TENT5D: variants seen among roughly 807,000 people sequenced by gnomAD.
TENT5D encodes terminal nucleotidyltransferase 5D, also known as cancer/testis antigen 112.
For missense variants in TENT5D, 191 were observed against 287.0 expected, an observed-to-expected ratio of 0.67 and a Z score of 2.42; for synonymous variants, 103 against 100.6, an observed-to-expected ratio of 1.02 and a Z score of -0.15.
In TENT5D at chrX:80,408,679, A is replaced by G. The variant is rs1376699138; in HGVS notation, c.-141-29931A>G. On this transcript the variant is annotated intron_variant, in intron 3 of 4. Coordinates refer to the TENT5D transcript ENST00000538312. ...AATTCTACCAGAGGTAGAAGGAGGA[A>G]CTGGTACCATTCCTTCTGAAACTAT... Among the ~76,000 whole-genome samples the G allele has an allele frequency of 4.5e-5, 5 of 111,209 alleles. No individual in the cohort carries two copies. In the East Asian group the frequency reaches 8.5e-4, roughly 19 times the overall value.
At chrX:80,436,506 A>C (rs1200964712) in intron 1 of TENT5D, among the ~76,000 whole-genome samples, 1 of 110,418 alleles carries the variant, frequency 9.1e-6, no homozygotes, top group Non-Finnish European at 1.9e-5. Flanking sequence ...CCCGTCATCT[A>C]CATTAGGTAC....
chrX:80,384,623 G>A (rs776145440), intron 3 of TENT5D, among the ~76,000 whole-genome samples: 1,053 of 98,895 alleles, frequency 0.011, 8 homozygotes, highest in South Asian at 0.054. Context: ...TAGGAAAAGA[G>A]GAAGTCAAAT....
At chrX:80,366,533 A>G (rs1930515297) in intron 3 of TENT5D, among the ~76,000 whole-genome samples, 1 of 111,507 alleles carries the variant, frequency 9.0e-6, no homozygotes, top group Non-Finnish European at 1.9e-5. Flanking sequence ...CACAGAATGC[A>G]CAAGTGCTAA....
At chrX:80,354,064 GCT>G (rs1425684236) in intron 3 of TENT5D, among the ~76,000 whole-genome samples, 3 of 111,281 alleles carry the variant, frequency 2.7e-5, no homozygotes, top group Non-Finnish European at 5.7e-5. Flanking sequence ...TTTTTCATAT[GCT>G]TGCTGGCCAC....
intron 3 of TENT5D, among the ~76,000 whole-genome samples, chrX:80,405,396 C>A (rs994260952): frequency 8.9e-6 from 1 of 112,197 alleles, no homozygotes; most frequent in East Asian, 2.8e-4. Flanking sequence ...AGTGGGTGCA[C>A]GCACCGTGCG....
exon 3 of TENT5D, chrX:80,443,409 T>C (rs758700930): frequency 8.3e-7 from 1 of 1,211,232 alleles, no homozygotes; most frequent in Non-Finnish European, 1.1e-6. Flanking sequence ...ATTTCATAGG[T>C]GAAGGAATGA....
intron 1 of TENT5D, among the ~76,000 whole-genome samples, chrX:80,433,577 G>A (rs1038586905): frequency 8.9e-6 from 1 of 111,843 alleles, no homozygotes. Flanking sequence ...AGTTTAGCCT[G>A]GGGAAAGCTT....
intron 3 of TENT5D, among the ~76,000 whole-genome samples, chrX:80,395,811 AT>A (rs1931228833): frequency 9.4e-6 from 1 of 106,094 alleles, no homozygotes; most frequent in Non-Finnish European, 1.9e-5. Context: ...TTCAGCTGTA[AT>A]TTTGTTATCC....
chrX:80,387,846 C>T (rs981984237), intron 3 of TENT5D, among the ~76,000 whole-genome samples: 1 of 111,647 alleles, frequency 9.0e-6, no homozygotes, highest in African/African-American at 3.3e-5. Context: ...TTCCCATATT[C>T]CCCAGGCAGG....
chrX:80,417,939 G>A (rs1456655025), upstream of TENT5D, among the ~76,000 whole-genome samples: 1 of 110,318 alleles, frequency 9.1e-6, no homozygotes, highest in East Asian at 2.8e-4. Flanking sequence ...CTCTTTCAAG[G>A]GTGCCAATCA....
intron 3 of TENT5D, among the ~76,000 whole-genome samples, chrX:80,346,804 T>G (rs966015703): frequency 1.8e-5 from 2 of 110,824 alleles, no homozygotes; most frequent in African/African-American, 6.6e-5. Context: ...CATTAGGTAT[T>G]TGTCCTAATG....
At chrX:80,438,337 T>C (rs950419682) in intron 1 of TENT5D, among the ~76,000 whole-genome samples, 1 of 109,681 alleles carries the variant, frequency 9.1e-6, no homozygotes, top group African/African-American at 3.3e-5. Context: ...ACAGATAAAA[T>C]GATTGCTCTA....
chrX:80,388,084 G>A (rs989158412), intron 3 of TENT5D, among the ~76,000 whole-genome samples: 1 of 110,373 alleles, frequency 9.1e-6, no homozygotes, highest in East Asian at 2.9e-4. Context: ...TCTTCATTCG[G>A]TTTTTGGTGA....
intron 3 of TENT5D, among the ~76,000 whole-genome samples, chrX:80,376,705 C>A (rs1930735215): frequency 9.0e-6 from 1 of 111,229 alleles, no homozygotes; most frequent in Non-Finnish European, 1.9e-5. Context: ...AAAATTTAAT[C>A]TTATATTCTC....
chrX:80,384,107 C>T (rs1181798290), intron 3 of TENT5D, among the ~76,000 whole-genome samples: 1 of 106,630 alleles, frequency 9.4e-6, no homozygotes, highest in African/African-American at 3.4e-5. Context: ...CAAAGCCTGG[C>T]AGAGACACAA....
At chrX:80,410,535 C>T (rs1439905547) in intron 3 of TENT5D, among the ~76,000 whole-genome samples, 2 of 97,502 alleles carry the variant, frequency 2.1e-5, no homozygotes, top group Non-Finnish European at 4.1e-5. Flanking sequence ...AAATCAAAAC[C>T]ACAATGAGAT....
chrX:80,394,141 C>T (rs750340749), intron 3 of TENT5D, among the ~76,000 whole-genome samples: 1 of 111,387 alleles, frequency 9.0e-6, no homozygotes, highest in Admixed American at 9.6e-5. Flanking sequence ...TACTGTTTTC[C>T]ATAATGGCTA....
rs1344884424 is a variant in TENT5D at position 80,339,882 on chromosome X, G to T, written c.-206-2618G>T. The stretch of plus-strand genomic sequence containing the variant: ...ATATATATATATATATAGAGAGAGA[G>T]AGAGAGAGAGAGAGTTATCAAAAAG... On this transcript the variant is annotated intron_variant, in intron 2 of 4. Transcript: ENST00000538312. 1.0e-4 allele frequency among the ~76,000 whole-genome samples: 11 copies of T among 108,597 alleles called. 1 individual carries two copies. The South Asian group carries it at 2.4e-3, about 24-fold the overall frequency. 94.3% of individuals were successfully genotyped at this position (108,597 alleles called of 115,157 possible).
At chrX:80,417,278 T>C (rs1015438865), upstream of TENT5D, among the ~76,000 whole-genome samples, 2 of 111,479 alleles carry the variant, frequency 1.8e-5, no homozygotes, top group Non-Finnish European at 3.8e-5. Flanking sequence ...TACCTTTTAC[T>C]TGAGGCATTT....
Sources: gnomAD v4.1 joint callset for allele counts (sites outside exome capture counted in the v4.1 genomes callset) on GRCh38, gnomAD v4.1.1 for gene constraint, MANE v1.5 for transcripts, NCBI Gene and HGNC (gene_info 2026-07-23, HGNC 2026-07-21) for gene names.